TMEM117: variants seen among roughly 807,000 people sequenced by gnomAD.
TMEM117 encodes the protein transmembrane protein 117.
TMEM117 carries 27 observed loss-of-function variants against 52.4 expected under a neutral mutation model. The observed-to-expected ratio is 0.51, with a 90% CI of 0.38 to 0.71. The LOEUF is 0.71. Ranked by LOEUF, TMEM117 falls within the 30% of genes least tolerant of loss-of-function variation. The probability of loss-of-function intolerance (pLI) is 0.00; values close to 1 mark genes in which losing one functional copy is unlikely to be tolerated. For missense variants in TMEM117, 556 were observed against 630.5 expected (o/e 0.88, Z 1.26); for synonymous variants, 215 against 206.3 (o/e 1.04, Z -0.36).
chr12:44,171,258 G>A (rs530379285), intron 4 of TMEM117, among the ~76,000 whole-genome samples: 91 of 152,088 alleles, frequency 6.0e-4, no homozygotes, highest in Middle Eastern at 3.4e-3. Flanking sequence ...CTCGTGATCC[G>A]CCCGCCTCGG....
intron 6 of TMEM117, among the ~76,000 whole-genome samples, chr12:44,339,595 G>A (rs1196850454): frequency 6.6e-6 from 1 of 151,874 alleles, no homozygotes; most frequent in African/African-American, 2.4e-5. Flanking sequence ...ATATCACATA[G>A]CTTTTCTATA....
intron 6 of TMEM117, among the ~76,000 whole-genome samples, chr12:44,339,050 A>T (rs1951380907): frequency 6.6e-6 from 1 of 152,126 alleles, no homozygotes; most frequent in African/African-American, 2.4e-5. Context: ...GGGAAGACCT[A>T]CAGTAGCAAA....
chr12:43,965,171 C>T (rs754456209), intron 3 of TMEM117, among the ~76,000 whole-genome samples: 17 of 152,144 alleles, frequency 1.1e-4, no homozygotes, highest in Non-Finnish European at 1.9e-4. Context: ...CAAGTCAGCT[C>T]CTACTTCTGG....
chr12:44,091,063 T>A (rs1947663889), intron 3 of TMEM117, among the ~76,000 whole-genome samples: 1 of 152,134 alleles, frequency 6.6e-6, no homozygotes, highest in Non-Finnish European at 1.5e-5. Context: ...GAGATTTAAT[T>A]GGATTTACAG....
chr12:44,074,388 G>T lies in TMEM117; in HGVS notation c.411-69137G>T, dbSNP rs545200941. 8.8e-4 allele frequency among the ~76,000 whole-genome samples: 134 copies of T among 152,172 alleles called. 2 individuals carry two copies. The highest frequency in any genetic ancestry group is 3.1e-3 in the African/African-American group (128 of 41,536). ...ATCCCTTCTCATTAGTCTTTTATTA[G>T]TTAATACCAGAAACAAATTAATAGC... On this transcript the variant is annotated intron_variant, in intron 3 of 7. Coordinates refer to ENST00000266534, the MANE Select transcript of TMEM117 (RefSeq NM_032256.3).
chr12:43,863,730 C>A (rs1018697431), intron 2 of TMEM117, among the ~76,000 whole-genome samples: 4 of 152,164 alleles, frequency 2.6e-5, no homozygotes, highest in Non-Finnish European at 4.4e-5. Flanking sequence ...GAGGTGACAG[C>A]GTGCTGGCAG....
chr12:44,370,206 T>A (rs1238992362), intron 6 of TMEM117, among the ~76,000 whole-genome samples: 1 of 152,162 alleles, frequency 6.6e-6, no homozygotes, highest in Non-Finnish European at 1.5e-5. Context: ...AACAAACATT[T>A]TTAATCAACT....
intron 3 of TMEM117, among the ~76,000 whole-genome samples, chr12:44,128,115 C>T (rs1400287192): frequency 6.6e-6 from 1 of 152,228 alleles, no homozygotes; most frequent in Non-Finnish European, 1.5e-5. Context: ...GCAAAGCCTG[C>T]TGGGACATAT....
chr12:43,889,915 G>A (rs973422074), intron 2 of TMEM117, among the ~76,000 whole-genome samples: 20 of 152,104 alleles, frequency 1.3e-4, no homozygotes, highest in African/African-American at 4.6e-4. Context: ...GCACCAGTTC[G>A]GTTGCAATAT....
At chr12:44,128,218 C>T (rs1160671827) in intron 3 of TMEM117, among the ~76,000 whole-genome samples, 2 of 152,204 alleles carry the variant, frequency 1.3e-5, no homozygotes, top group African/African-American at 2.4e-5. Flanking sequence ...CCTGCTGCTT[C>T]CAGCCTTCTC....
intron 6 of TMEM117, among the ~76,000 whole-genome samples, chr12:44,356,412 A>C (rs1951649150): frequency 2.0e-5 from 3 of 152,136 alleles, no homozygotes; most frequent in Non-Finnish European, 2.9e-5. Context: ...GAATTAACAG[A>C]ATAAGAGAGG....
intron 3 of TMEM117, among the ~76,000 whole-genome samples, chr12:44,007,535 C>T (rs1456535548): frequency 6.6e-6 from 1 of 152,082 alleles, no homozygotes; most frequent in Non-Finnish European, 1.5e-5. Flanking sequence ...TTACAATGGT[C>T]CCTCCTATCC....
chr12:43,966,102 G>A (rs529666904), intron 3 of TMEM117, among the ~76,000 whole-genome samples: 107 of 152,238 alleles, frequency 7.0e-4, no homozygotes, highest in Admixed American at 5.7e-3. Flanking sequence ...TTATGGCTGC[G>A]TAGTATTCCA....
At chr12:44,105,443 C>T (rs912205191) in intron 3 of TMEM117, among the ~76,000 whole-genome samples, 42 of 152,040 alleles carry the variant, frequency 2.8e-4, no homozygotes, top group African/African-American at 9.9e-4. Context: ...ATAATTCCAG[C>T]GTTCCTGCCA....
At chr12:44,346,707 T>C (rs1951492241) in intron 6 of TMEM117, among the ~76,000 whole-genome samples, 1 of 152,076 alleles carries the variant, frequency 6.6e-6, no homozygotes, top group Admixed American at 6.6e-5. Flanking sequence ...CCAATTCCCT[T>C]CAGAACACAA....
chr12:44,138,527 G>A (rs73096886), intron 3 of TMEM117, among the ~76,000 whole-genome samples: 6,502 of 152,256 alleles, frequency 0.043, 163 homozygotes, highest in Middle Eastern at 0.15. Flanking sequence ...CTTGGTTAAT[G>A]ATACTCTGTC....
chr12:44,216,133 G>C (rs559585934), intron 5 of TMEM117, among the ~76,000 whole-genome samples: 40 of 150,412 alleles, frequency 2.7e-4, no homozygotes, highest in African/African-American at 9.8e-4. Flanking sequence ...TCAGACTCCT[G>C]AGTAGCTGGG....
At chr12:44,140,403 G>T (rs1259475650) in intron 3 of TMEM117, among the ~76,000 whole-genome samples, 1 of 151,998 alleles carries the variant, frequency 6.6e-6, no homozygotes. Context: ...AATGATTTGG[G>T]TCACTTTATT....
chr12:43,825,006 G>T, the TMEM117 span, among the ~76,000 whole-genome samples: 1 of 152,196 alleles, frequency 6.6e-6, no homozygotes, highest in South Asian at 2.1e-4. Flanking sequence ...GCCTTCAGAG[G>T]CCAGGCAACC....
Sources: allele counts gnomAD v4.1 joint callset (sites outside exome capture counted in the v4.1 genomes callset), GRCh38; gene constraint gnomAD v4.1.1; transcripts MANE v1.5; gene names NCBI Gene and HGNC (gene_info 2026-07-23, HGNC 2026-07-21).